LCTL: variants seen among roughly 807,000 people sequenced by gnomAD.
The protein encoded by LCTL is lactase like, also known as lactase-like protein.
In LCTL, 76 loss-of-function variants were observed where a neutral mutation model predicts 75.8. The observed-to-expected ratio is 1.00, with a 90% confidence interval of 0.83 to 1.21. The LOEUF is 1.21. LCTL is among the 50% of genes most tolerant of loss of function. The probability of loss-of-function intolerance (pLI) is 0.00; values close to 1 mark genes in which losing one functional copy is unlikely to be tolerated. For missense variants in LCTL, 670 were observed against 712.4 expected (o/e 0.94, Z 0.68); for synonymous variants, 271 against 268.8 (o/e 1.01, Z -0.08).
intron 8 of LCTL, among the ~76,000 whole-genome samples, chr15:66,555,776 A>G (rs2140841265): frequency 6.6e-6 from 1 of 152,360 alleles, no homozygotes; most frequent in East Asian, 1.9e-4. Flanking sequence ...TTTGCATATC[A>G]TATATGTGAT....
Position 66,552,195 on chromosome 15 carries a change from A to T in LCTL, c.1198-26T>A, listed in dbSNP as rs376632748. On this transcript the variant is annotated intron_variant, in intron 9 of 12. Transcript: ENST00000341509. Reference sequence around the variant, plus strand: ...CTGAAAGTGAGTCATAGCAACAAATATCTTAAAAATTCTGACCTACAGGTA... The same window carrying T: ...CTGAAAGTGAGTCATAGCAACAAATTTCTTAAAAATTCTGACCTACAGGTA... 33 of 1,595,070 alleles carry T rather than the reference A, an allele frequency of 2.1e-5. No homozygotes were observed. In the African/African-American group the frequency reaches 4.0e-4, roughly 20 times the overall value.
chr15:66,557,024 C>T (rs762919910), intron 8 of LCTL, among the ~76,000 whole-genome samples: 10 of 152,012 alleles, frequency 6.6e-5, no homozygotes, highest in Admixed American at 1.3e-4. Context: ...TGGGTGTTGA[C>T]GTGTAAAGAT....
At chr15:66,552,109 A>T (rs577860691) in exon 10 of LCTL, 2 of 1,613,348 alleles carry the variant, frequency 1.2e-6, no homozygotes, top group Admixed American at 1.7e-5. Context: ...AATTGAGTAC[A>T]GTGGAATTTT....
Position 66,553,115 on chromosome 15 carries a change from AG to A in LCTL, c.1065del (p.Ser356ProfsTer13). 6.2e-7 allele frequency: 1 copy of A among 1,611,710 alleles called. No individual in the cohort carries two copies. The highest frequency in any genetic ancestry group is 8.5e-7 in the Non-Finnish European group (1 of 1,179,020). ...TTCTGGTAGCTGGGCCCCTGGCGGGAGGGGTAGTTCCTTTCCGTGATGTACC... is the reference window on the plus strand; with the variant it reads ...TTCTGGTAGCTGGGCCCCTGGCGGGAGGGTAGTTCCTTTCCGTGATGTACC... On this transcript the variant is annotated frameshift_variant, in exon 9 of 13. Transcript: ENST00000341509. LOFTEE classifies it high-confidence loss of function.
In LCTL at chr15:66,560,382, G is replaced by A. The variant is rs117943391; in HGVS notation, c.705+624C>T. 5.3e-5 allele frequency among the ~76,000 whole-genome samples: 8 copies of A among 152,118 alleles called. No homozygotes were observed. The East Asian group carries it at 1.5e-3, about 29-fold the overall frequency. On this transcript the variant is annotated intron_variant, in intron 6 of 12. Transcript: ENST00000341509. ...TCCCCAGCGACAAGGCTTTCCAGTAGCCCTTCCTTCCTGCAGCATCTTCTC... is the reference window on the plus strand; with the variant it reads ...TCCCCAGCGACAAGGCTTTCCAGTAACCCTTCCTTCCTGCAGCATCTTCTC...
exon 2 of LCTL, chr15:66,564,824 A>G (rs1895983934): frequency 6.2e-7 from 1 of 1,612,076 alleles, no homozygotes. Context: ...AGAACTGCCC[A>G]CGCCCCAGGA....
chr15:66,555,604 T>G (rs1445672049), intron 8 of LCTL, among the ~76,000 whole-genome samples: 1 of 151,898 alleles, frequency 6.6e-6, no homozygotes, highest in East Asian at 1.9e-4. Flanking sequence ...GACAATTAAT[T>G]AGGCAGTTAT....
chr15:66,563,665 T>TGGG, intron 3 of LCTL, 40 bp from the exon 5 acceptor site: 1 of 1,476,668 alleles, frequency 6.8e-7, no homozygotes, highest in Non-Finnish European at 9.4e-7. Flanking sequence ...AGAAAGGACC[T>TGGG]CGGCCTTGGC....
intron 6 of LCTL, among the ~76,000 whole-genome samples, chr15:66,559,099 G>T (rs1170741427): frequency 6.6e-6 from 1 of 151,104 alleles, no homozygotes; most frequent in Non-Finnish European, 1.5e-5. Flanking sequence ...CTAGGCTCAA[G>T]TGATCCTCCT....
Position 66,565,267 on chromosome 15 carries a change from G to C in LCTL, c.99C>G (p.Tyr33Ter), listed in dbSNP as rs1244157032. 6.2e-7 allele frequency: 1 copy of C among 1,611,356 alleles called. No individual in the cohort carries two copies. The highest frequency in any genetic ancestry group is 8.5e-7 in the Non-Finnish European group (1 of 1,177,600). The change falls in exon 1 of 13, where the codon TAC becomes TAG. Residue 33 changes from tyrosine (Y) to a stop codon, truncating the protein, a stop_gained. Coordinates refer to ENST00000341509, the Ensembl canonical transcript of LCTL. LOFTEE classifies it high-confidence loss of function. ...CCGTACCAAGAGGGAAGGTTCCATAGTAGAAGGAGGCCTCTTCTGGGGACC... is the reference window on the plus strand; with the variant it reads ...CCGTACCAAGAGGGAAGGTTCCATACTAGAAGGAGGCCTCTTCTGGGGACC...
intron 1 of LCTL, 135 bp downstream of exon 2, chr15:66,565,113 T>G: frequency 1.4e-6 from 1 of 737,328 alleles, no homozygotes; most frequent in Non-Finnish European, 2.4e-6. Flanking sequence ...TTAGGAGCTT[T>G]TAGAACAACC....
At chr15:66,560,081 A>C (rs1459456978) in intron 6 of LCTL, among the ~76,000 whole-genome samples, 1 of 151,892 alleles carries the variant, frequency 6.6e-6, no homozygotes, top group Non-Finnish European at 1.5e-5. Context: ...AGCAAGACTC[A>C]GTCTCAAAAA....
At chr15:66,551,099 A>G (rs1595930933) in intron 11 of LCTL, among the ~76,000 whole-genome samples, 1 of 152,048 alleles carries the variant, frequency 6.6e-6, no homozygotes, top group South Asian at 2.1e-4. Flanking sequence ...CTGTAATCCC[A>G]GCACTTTAGG....
rs1056550691 is a variant in LCTL, at chr15:66,564,197, G to T, written c.283-199C>A. 17 of 592,670 alleles carry T rather than the reference G, an allele frequency of 2.9e-5. 1 individual carries two copies. Among genetic ancestry groups the T allele is most frequent in the South Asian group, 8.1e-5 (4 of 49,586 alleles). The allele number at this position is 592,670 out of a possible 1,614,324, so 36.7% of individuals were successfully genotyped here. ...GGATATGCCAAGAGTCAAAGAAAAC[G>T]CAGGACAGGGAGGCACTGAGAGAAG... On this transcript the variant is annotated intron_variant, in intron 2 of 12. Transcript: ENST00000341509.
At chr15:66,558,033 G>A in exon 7 of LCTL, 3 of 1,601,758 alleles carry the variant, frequency 1.9e-6, no homozygotes, top group Non-Finnish European at 2.6e-6. Flanking sequence ...GCTTTGGCGT[G>A]GGCCTGAAAG....
At chr15:66,565,132 G>T in intron 1 of LCTL, 116 bp downstream of exon 2, 1 of 776,750 alleles carries the variant, frequency 1.3e-6, no homozygotes. Context: ...CCACACAAAG[G>T]TAGGTTTCTC....
intron 2 of LCTL, chr15:66,564,359 G>T: frequency 2.1e-6 from 1 of 467,914 alleles, no homozygotes; most frequent in Non-Finnish European, 3.8e-6. Flanking sequence ...AGGGGTTCAG[G>T]CCACTGTGGC....
intron 6 of LCTL, among the ~76,000 whole-genome samples, chr15:66,558,783 C>A (rs557948141): frequency 6.6e-6 from 1 of 151,134 alleles, no homozygotes; most frequent in African/African-American, 2.4e-5. Flanking sequence ...GTAACCTCTG[C>A]CTCCCAGGTT....
At chr15:66,551,617 C>A in intron 11 of LCTL, 45 bp downstream of exon 12, 1 of 1,493,334 alleles carries the variant, frequency 6.7e-7, no homozygotes, top group Non-Finnish European at 9.3e-7. Flanking sequence ...AGCTATCTAG[C>A]TCTTCCTAAA....
Sources: gnomAD v4.1 joint callset for allele counts (sites outside exome capture counted in the v4.1 genomes callset) on GRCh38, gnomAD v4.1.1 for gene constraint, MANE v1.5 for transcripts, NCBI Gene and HGNC (gene_info 2026-07-23, HGNC 2026-07-21) for gene names.